The following LSP1 variants were observed in gnomAD, a reference collection of about 807,000 sequenced individuals.
The protein encoded by LSP1 is lymphocyte specific protein 1.
In LSP1, 32 loss-of-function variants were observed where a neutral mutation model predicts 49.3. The ratio of observed to expected loss-of-function variants is 0.65; its 90% CI spans 0.49 to 0.87. The LOEUF is 0.87. LSP1 is among the 40% of genes least tolerant of loss of function. The probability of loss-of-function intolerance (pLI) is 0.00; values close to 1 mark genes in which losing one functional copy is unlikely to be tolerated. For missense variants in LSP1, 428 were observed against 442.6 expected, an observed-to-expected ratio of 0.97 and a Z score of 0.30; for synonymous variants, 179 against 178.8, an observed-to-expected ratio of 1.00 and a Z score of -0.01.
At chr11:1,855,365 G>A (rs10839821) in intron 1 of LSP1, among the ~76,000 whole-genome samples, 52,608 of 152,108 alleles carry the variant, frequency 0.35, 9,357 homozygotes, top group East Asian at 0.53. Context: ...ACAGCCCCCC[G>A]TGCATGTCAC....
intron 1 of LSP1, among the ~76,000 whole-genome samples, chr11:1,864,977 G>T (rs1002848868): frequency 1.3e-5 from 2 of 152,014 alleles, no homozygotes; most frequent in Non-Finnish European, 2.9e-5. Context: ...CAGGGGAGGG[G>T]TGACAGCCAG....
chr11:1,861,687 ATGGG>A (rs1565071488), intron 1 of LSP1, among the ~76,000 whole-genome samples: 1 of 143,420 alleles, frequency 7.0e-6, no homozygotes, highest in Non-Finnish European at 1.5e-5. Context: ...GGATGGGTGG[ATGGG>A]TGGGTGGATG....
intron 7 of LSP1, 90 bp from the exon 8 acceptor site, chr11:1,886,642 C>A: frequency 7.0e-7 from 1 of 1,425,224 alleles, no homozygotes; most frequent in Non-Finnish European, 9.4e-7. Context: ...AAAACACAAA[C>A]ACAAAGCAGA....
At chr11:1,889,222 T>C (rs1183782221) in intron 10 of LSP1, 6 of 675,006 alleles carry the variant, frequency 8.9e-6, no homozygotes, top group African/African-American at 3.6e-5. Context: ...GAGCGGACTG[T>C]GGGAGGGGGC....
At position 1,862,165 on chromosome 11, in the gene LSP1, G is replaced by A. The variant is rs111998710; in HGVS notation, c.53+8968G>A. Reference sequence around the variant, plus strand: ...ATGGATGAACTGATGGATGAATGGAGAGATGGACAGAGAGATGGATGGATG... The same window carrying A: ...ATGGATGAACTGATGGATGAATGGAAAGATGGACAGAGAGATGGATGGATG... On this transcript the variant is annotated intron_variant, in intron 1 of 10. Transcript: ENST00000311604. Among the ~76,000 whole-genome samples the A allele has an allele frequency of 4.8e-3, 726 of 151,796 alleles. 6 individuals are homozygous for A. Among genetic ancestry groups the A allele is most frequent in the Non-Finnish European group, 7.4e-3 (500 of 67,886 alleles).
intron 1 of LSP1, among the ~76,000 whole-genome samples, chr11:1,872,906 CA>C (rs1483309402): frequency 2.0e-5 from 3 of 151,952 alleles, no homozygotes; most frequent in Non-Finnish European, 2.9e-5. Flanking sequence ...TCATGAAGCT[CA>C]GGGGGCTTCA....
chr11:1,864,370 C>T (rs963690809), intron 1 of LSP1: 14 of 418,412 alleles, frequency 3.3e-5, no homozygotes, highest in African/African-American at 4.3e-5. Context: ...GCAGAATAGG[C>T]CCCTGTGCCT....
intron 1 of LSP1, chr11:1,868,799 G>A (rs1847878160): frequency 3.0e-6 from 3 of 985,654 alleles, no homozygotes; most frequent in African/African-American, 1.7e-5. Context: ...CCCAGAGGAC[G>A]GCGGTTCAGG....
chr11:1,882,105 C>A (rs1848572715), intron 3 of LSP1, among the ~76,000 whole-genome samples: 2 of 152,194 alleles, frequency 1.3e-5, no homozygotes, highest in Admixed American at 6.5e-5. Flanking sequence ...CGGGAGGACG[C>A]ACTTTCCAGA....
Position 1,881,561 on chromosome 11 carries a change from C to T in LSP1, c.321C>T (p.Pro107=). The change falls in exon 3 of 11, where the codon CCC becomes CCT. Residue 107 remains proline (P), a synonymous_variant. Coordinates refer to ENST00000311604, the MANE Select transcript of LSP1 (RefSeq NM_002339.3). ...AQGALDSGEP[P]QCRSPEGEQE... ...GCGCCTTGGACAGCGGAGAGCCCCCCCAGTGCAGGAGTCCTGAGGGGGAGC... is the reference window on the plus strand; with the variant it reads ...GCGCCTTGGACAGCGGAGAGCCCCCTCAGTGCAGGAGTCCTGAGGGGGAGC... 3 of 1,538,044 alleles carry T rather than the reference C, an allele frequency of 2.0e-6. No homozygotes were observed. Among genetic ancestry groups the T allele is most frequent in the Non-Finnish European group, 2.6e-6 (3 of 1,140,406 alleles).
intron 1 of LSP1, chr11:1,869,080 C>T: frequency 2.2e-6 from 2 of 908,538 alleles, no homozygotes; most frequent in African/African-American, 1.8e-5. Context: ...TTGGGTGACC[C>T]CTGGATGGGG....
chr11:1,883,449 C>G lies in LSP1; in HGVS notation c.387C>G (p.Asp129Glu). 1 of 1,614,108 alleles carries G rather than the reference C, an allele frequency of 6.2e-7. No individual in the cohort carries two copies. Among genetic ancestry groups the G allele is most frequent in the Non-Finnish European group, 8.5e-7 (1 of 1,180,022 alleles). ...RPGLHAYEKE[D>E]SDEVHLEELS... ...GCCTGCATGCCTACGAAAAGGAGGA[C>G]AGTGATGAAGTCCACCTGGAGGAGT... The change falls in exon 4 of 11, where the codon GAC becomes GAG. Residue 129 changes from aspartate to glutamate, a missense_variant. Asp to Glu is a conservative substitution (Grantham distance 45). Coordinates refer to ENST00000311604, the MANE Select transcript of LSP1 (RefSeq NM_002339.3).
At chr11:1,859,178 T>C (rs1046804390) in intron 1 of LSP1, among the ~76,000 whole-genome samples, 14 of 152,040 alleles carry the variant, frequency 9.2e-5, no homozygotes, top group Non-Finnish European at 1.5e-4. Flanking sequence ...CTGGGAGCAG[T>C]GGTATAGACG....
chr11:1,866,414 G>T, intron 1 of LSP1: 2 of 1,417,030 alleles, frequency 1.4e-6, no homozygotes, highest in Non-Finnish European at 1.9e-6. Context: ...GGAGTTGAGG[G>T]CAGCCCGGCT....
chr11:1,890,167 T>C, intron 10 of LSP1: 1 of 716,960 alleles, frequency 1.4e-6, no homozygotes, highest in East Asian at 2.7e-5. Context: ...GCTAGAATCC[T>C]GCGCTGGGTG....
At chr11:1,868,452 T>C (rs1847868472) in intron 1 of LSP1, among the ~76,000 whole-genome samples, 1 of 152,234 alleles carries the variant, frequency 6.6e-6, no homozygotes, top group Non-Finnish European at 1.5e-5. Context: ...CGCAGGGCTC[T>C]AAGGCCCCTC....
intron 1 of LSP1, chr11:1,864,425 C>T: frequency 6.2e-6 from 1 of 162,466 alleles, no homozygotes; most frequent in African/African-American, 2.5e-5. Context: ...GAGAAGCGGG[C>T]AGCGGCTACC....
chr11:1,889,353 G>A lies in LSP1; in HGVS notation c.*13+1777G>A, dbSNP rs747728839. 80 of 712,080 alleles carry A rather than the reference G, an allele frequency of 1.1e-4. No individual in the cohort carries two copies. The African/African-American group carries it at 1.3e-3, about 12-fold the overall frequency. The allele number at this position is 712,080 out of a possible 1,614,324, so 44.1% of individuals were successfully genotyped here. A position where few individuals can be genotyped will look rare whatever the true frequency, so the allele number is the denominator to read the frequency against. ...CCCTGCCAGGCGCCCTTGGGCCTCC[G>A]CCACTGACATGCGGTACAGCACGGC... On this transcript the variant is annotated intron_variant, in intron 10 of 10. Coordinates refer to ENST00000311604, the MANE Select transcript of LSP1 (RefSeq NM_002339.3).
chr11:1,870,706 G>A, intron 1 of LSP1: 2 of 1,019,424 alleles, frequency 2.0e-6, no homozygotes, highest in Non-Finnish European at 2.4e-6. Context: ...TGGTTGCGTG[G>A]AGGATGGGAG....
Sources: allele counts gnomAD v4.1 joint callset (sites outside exome capture counted in the v4.1 genomes callset), GRCh38; gene constraint gnomAD v4.1.1; transcripts MANE v1.5; gene names NCBI Gene and HGNC (gene_info 2026-07-23, HGNC 2026-07-21).